Variants in PALLD observed in about 807,000 individuals in gnomAD.
PALLD encodes the protein palladin.
In PALLD, 61 loss-of-function variants were observed where a neutral mutation model predicts 123.5. The ratio of observed to expected loss-of-function variants is 0.49; its 90% CI spans 0.40 to 0.61. PALLD has a LOEUF of 0.61. PALLD is among the 20% of genes least tolerant of loss of function. PALLD has a pLI of 0.00. For missense variants in PALLD, 1,273 were observed against 1,377.0 expected, an observed-to-expected ratio of 0.92 and a Z score of 1.20; for synonymous variants, 465 against 496.4, an observed-to-expected ratio of 0.94 and a Z score of 0.84.
chr4:168,745,184 A>G (rs767236714), intron 10 of PALLD, among the ~76,000 whole-genome samples: 4 of 152,254 alleles, frequency 2.6e-5, no homozygotes, highest in Non-Finnish European at 4.4e-5. Context: ...CATGTAAGGC[A>G]CATAGCCTAA....
intron 2 of PALLD, among the ~76,000 whole-genome samples, chr4:168,568,068 C>T (rs2874096): frequency 0.65 from 98,979 of 151,872 alleles, 32,482 homozygotes; most frequent in East Asian, 0.9. Context: ...TAAATAAAAG[C>T]TGAAATTTCT....
At chr4:168,768,878 G>C (rs977427412) in intron 10 of PALLD, among the ~76,000 whole-genome samples, 5 of 151,188 alleles carry the variant, frequency 3.3e-5, no homozygotes, top group African/African-American at 9.7e-5. Flanking sequence ...TCACCATTTG[G>C]CTGGCAGTGA....
chr4:168,528,535 A>G (rs570811853), intron 2 of PALLD, among the ~76,000 whole-genome samples: 15 of 152,220 alleles, frequency 9.9e-5, no homozygotes, highest in Non-Finnish European at 8.8e-5. Context: ...ACTGTCTCTC[A>G]TCCAGTTATC....
At chr4:168,790,444 G>A (rs994181104) in intron 10 of PALLD, among the ~76,000 whole-genome samples, 2 of 151,464 alleles carry the variant, frequency 1.3e-5, no homozygotes, top group African/African-American at 4.9e-5. Flanking sequence ...ACAGGCCTGA[G>A]CCACCATGCC....
chr4:168,633,415 A>C (rs1776028933), intron 2 of PALLD, among the ~76,000 whole-genome samples: 1 of 152,226 alleles, frequency 6.6e-6, no homozygotes, highest in South Asian at 2.1e-4. Context: ...TTGTTGCCAG[A>C]TACCTTAGGA....
intron 2 of PALLD, among the ~76,000 whole-genome samples, chr4:168,514,326 T>C (rs528812757): frequency 6.6e-6 from 1 of 152,292 alleles, no homozygotes; most frequent in African/African-American, 2.4e-5. Flanking sequence ...TGCACACACA[T>C]GAAGTAAAAA....
At chr4:168,582,371 G>A (rs1354422958) in intron 2 of PALLD, among the ~76,000 whole-genome samples, 2 of 151,974 alleles carry the variant, frequency 1.3e-5, no homozygotes, top group African/African-American at 2.4e-5. Context: ...TTGTGGAGTC[G>A]TTAGGGCTTT....
chr4:168,596,984 A>AT (rs992850513), intron 2 of PALLD, among the ~76,000 whole-genome samples: 3 of 152,088 alleles, frequency 2.0e-5, no homozygotes, highest in African/African-American at 7.2e-5. Flanking sequence ...AAAATTGAAT[A>AT]TTTTTTAATG....
chr4:168,927,708 G>A lies in PALLD; in HGVS notation c.*1528G>A, dbSNP rs1031808393. 8.5e-5 allele frequency: 19 copies of A among 223,802 alleles called. No individual in the cohort carries two copies. The highest frequency in any genetic ancestry group is 2.7e-3 in the Middle Eastern group (2 of 750). The allele number at this position is 223,802 out of a possible 1,614,324, so 13.9% of individuals were successfully genotyped here. A position where few individuals can be genotyped will look rare whatever the true frequency, so the allele number is the denominator to read the frequency against. ...ATTCCAAGGTTTGTAAAGGCATCTC[G>A]GTAAAGACTGCTTTTTGAATGCATA... On this transcript the variant is annotated 3_prime_UTR_variant, in exon 22 of 22. Transcript: ENST00000505667.
At chr4:168,919,939 A>G (rs538414985) in intron 17 of PALLD, among the ~76,000 whole-genome samples, 4 of 152,122 alleles carry the variant, frequency 2.6e-5, no homozygotes, top group African/African-American at 9.7e-5. Context: ...GTAACTATCC[A>G]CTGGGTAGGT....
intron 10 of PALLD, among the ~76,000 whole-genome samples, chr4:168,753,612 G>C (rs1342375709): frequency 6.6e-6 from 1 of 152,094 alleles, no homozygotes; most frequent in Non-Finnish European, 1.5e-5. Context: ...CCAAGGCTGG[G>C]TTAAAAAAAT....
chr4:168,591,598 G>T (rs1446635721), intron 2 of PALLD, among the ~76,000 whole-genome samples: 1 of 152,022 alleles, frequency 6.6e-6, no homozygotes, highest in Non-Finnish European at 1.5e-5. Context: ...CTCCAACCCT[G>T]CGTATAATCT....
At chr4:168,740,491 T>C (rs983721269) in intron 10 of PALLD, among the ~76,000 whole-genome samples, 3 of 152,220 alleles carry the variant, frequency 2.0e-5, no homozygotes, top group Non-Finnish European at 4.4e-5. Flanking sequence ...CCTCATGCTG[T>C]GGTTTTTTTT....
intron 10 of PALLD, among the ~76,000 whole-genome samples, chr4:168,816,405 ATATATATATT>A (rs1741935000): frequency 7.3e-6 from 1 of 137,624 alleles, no homozygotes; most frequent in Non-Finnish European, 1.5e-5. Context: ...ATATATATAT[ATATATATATT>A]TTTTTTAAGT....
chr4:168,756,589 G>A (rs1056670646), intron 10 of PALLD, among the ~76,000 whole-genome samples: 2 of 152,108 alleles, frequency 1.3e-5, no homozygotes, highest in African/African-American at 4.8e-5. Flanking sequence ...ATTGAGTTTT[G>A]GTCTAAGAAC....
chr4:168,540,412 C>CA (rs892991165), intron 2 of PALLD, among the ~76,000 whole-genome samples: 4 of 152,170 alleles, frequency 2.6e-5, no homozygotes, highest in Non-Finnish European at 5.9e-5. Flanking sequence ...TTCCGAAACA[C>CA]AAAACTACAG....
At chr4:168,526,393 G>A (rs144532636) in intron 2 of PALLD, among the ~76,000 whole-genome samples, 192 of 152,234 alleles carry the variant, frequency 1.3e-3, no homozygotes, top group African/African-American at 4.5e-3. Flanking sequence ...AGTTTGTTCT[G>A]GTTGAAATGT....
intron 10 of PALLD, among the ~76,000 whole-genome samples, chr4:168,754,998 T>C (rs1020609965): frequency 1.3e-4 from 20 of 152,050 alleles, no homozygotes; most frequent in Non-Finnish European, 1.8e-4. Context: ...TTCGGGAGGC[T>C]GAGGTGGGCG....
intron 12 of PALLD, among the ~76,000 whole-genome samples, 180 bp from the exon 13 acceptor site, chr4:168,896,369 T>G (rs1398302898): frequency 6.6e-6 from 1 of 152,236 alleles, no homozygotes; most frequent in Non-Finnish European, 1.5e-5. Context: ...ATATCTCATG[T>G]GATTTATGGA....
Sources: allele counts gnomAD v4.1 joint callset (sites outside exome capture counted in the v4.1 genomes callset), GRCh38; gene constraint gnomAD v4.1.1; transcripts MANE v1.5; gene names NCBI Gene and HGNC (gene_info 2026-07-23, HGNC 2026-07-21).